The following MYH15 variants were observed in gnomAD, a reference collection of about 807,000 sequenced individuals.
MYH15 encodes myosin heavy chain 15, also known as myosin-15.
In MYH15, 227 loss-of-function variants were observed where a neutral mutation model predicts 240.5. The ratio of observed to expected loss-of-function variants is 0.94; its 90% confidence interval spans 0.85 to 1.05. The LOEUF (loss-of-function observed/expected upper bound fraction) is 1.05, where lower values mean the gene tolerates loss of function less well. MYH15 is among the 50% of genes least tolerant of loss of function. The probability of loss-of-function intolerance (pLI) is 0.00; values close to 1 mark genes in which losing one functional copy is unlikely to be tolerated. For missense variants in MYH15, 2,217 were observed against 2,247.5 expected (o/e 0.99, Z 0.27); for synonymous variants, 785 against 796.7 (o/e 0.99, Z 0.25).
intron 7 of MYH15, among the ~76,000 whole-genome samples, chr3:108,493,820 TAG>T (rs1445729034): frequency 6.6e-6 from 1 of 151,962 alleles, no homozygotes; most frequent in Non-Finnish European, 1.5e-5. Flanking sequence ...CGGGAAAGGG[TAG>T]AGTTTTATTT....
At chr3:108,440,572 G>T (rs2082876736) in intron 23 of MYH15, among the ~76,000 whole-genome samples, 1 of 151,646 alleles carries the variant, frequency 6.6e-6, no homozygotes, top group Non-Finnish European at 1.5e-5. Context: ...AACAAAACAT[G>T]AAAGCCCTTA....
At chr3:108,389,410 A>G (rs1167704258) in intron 37 of MYH15, among the ~76,000 whole-genome samples, 1 of 152,144 alleles carries the variant, frequency 6.6e-6, no homozygotes, top group African/African-American at 2.4e-5. Flanking sequence ...CCATTTGAGG[A>G]TTTGGTCAAC....
rs1553766067 is a variant in MYH15 at position 108,427,635 on chromosome 3, CAG to C, written c.3702+855_3702+856del. ...CACACACAACACACACACACACACA[CAG>C]AGAGAGAGAGAGAGAGAGAAAGAGA... On this transcript the variant is annotated intron_variant, in intron 27 of 40. Coordinates refer to ENST00000693548, the MANE Select transcript of MYH15 (RefSeq NM_014981.3). 2.2e-3 allele frequency among the ~76,000 whole-genome samples: 329 copies of C among 146,654 alleles called. 1 individual carries two copies. The highest frequency in any genetic ancestry group is 7.6e-3 in the African/African-American group (296 of 39,144).
At chr3:108,440,314 T>C (rs1397638639) in intron 23 of MYH15, among the ~76,000 whole-genome samples, 2 of 152,092 alleles carry the variant, frequency 1.3e-5, no homozygotes, top group East Asian at 3.9e-4. Context: ...TGCCTCAGTA[T>C]CCCAAGAAAG....
At position 108,454,106 on chromosome 3, in the gene MYH15, C is replaced by G; in HGVS notation, c.2299G>C (p.Ala767Pro). The G allele has an allele frequency of 1.2e-6, 2 of 1,611,268 alleles. No individual in the cohort carries two copies. Among genetic ancestry groups the G allele is most frequent in the Non-Finnish European group, 1.7e-6 (2 of 1,178,066 alleles). ...TTAGATAGTCTCTCATCTCTTATTG[C>G]TTCCAGTTGGCCCAGAAACCCAGCT... ...FKAGFLGQLE[A>P]IRDERLSKVF... The change falls in exon 21 of 41, where the codon GCA (alanine) becomes CCA (proline). Residue 767 changes from alanine (A) to proline (P), a missense_variant. Ala to Pro is a conservative substitution (Grantham distance 27). Coordinates refer to ENST00000693548, the MANE Select transcript of MYH15 (RefSeq NM_014981.3).
the MYH15 span, among the ~76,000 whole-genome samples, chr3:108,534,461 C>T: frequency 1.3e-5 from 2 of 152,090 alleles, no homozygotes; most frequent in African/African-American, 2.4e-5. Context: ...ATCATTCAGC[C>T]AGAAACTGGT....
In MYH15 at chr3:108,383,600, T is replaced by C. The variant is rs200773679; in HGVS notation, c.5761A>G (p.Lys1921Glu). The change falls in exon 40 of 41, where the codon AAA becomes GAA. Residue 1921 changes from lysine (K) to glutamate (E), a missense_variant. Lys to Glu is a moderately conservative substitution (Grantham distance 56, BLOSUM62 1). Coordinates refer to ENST00000693548, the MANE Select transcript of MYH15 (RefSeq NM_014981.3). ...KLKIKAREFG[K>E]KVQEE The stretch of plus-strand genomic sequence containing the variant: ...GAGTTGAATATCTGCCATACCTTTT[T>C]CCCAAACTCTCTTGCTTTAATTTTG... 3.2e-5 allele frequency: 52 copies of C among 1,613,018 alleles called. 1 individual carries two copies. Among genetic ancestry groups the C allele is most frequent in the Middle Eastern group, 3.3e-4 (2 of 6,074 alleles).
At chr3:108,533,059 T>G (rs975857007), upstream of MYH15, among the ~76,000 whole-genome samples, 2 of 152,014 alleles carry the variant, frequency 1.3e-5, no homozygotes, top group African/African-American at 4.8e-5. Flanking sequence ...AGTCTCAAAT[T>G]ACGTCTTTTG....
At position 108,444,623 on chromosome 3, in the gene MYH15, A is replaced by G; in HGVS notation, c.2655+17T>C. On this transcript the variant is annotated intron_variant, in intron 22 of 40. Coordinates refer to ENST00000693548, the MANE Select transcript of MYH15 (RefSeq NM_014981.3). ...ATTAAAAACTTGATTTAAAGAACAA[A>G]TGGTGGGGCTACTCACAGCCTGAAG... The G allele has an allele frequency of 6.2e-7, 1 of 1,611,246 alleles. No homozygotes were observed.
At chr3:108,386,086 G>A (rs1017489723) in intron 38 of MYH15, among the ~76,000 whole-genome samples, 6 of 152,292 alleles carry the variant, frequency 3.9e-5, no homozygotes, top group Admixed American at 2.0e-4. Flanking sequence ...CAACTTGTCA[G>A]GTTTATAAAA....
At chr3:108,533,874 G>C (rs557424666), upstream of MYH15, among the ~76,000 whole-genome samples, 1 of 152,216 alleles carries the variant, frequency 6.6e-6, no homozygotes, top group Non-Finnish European at 1.5e-5. Context: ...GCCTTCCCCT[G>C]CAGGGGGTTT....
intron 37 of MYH15, 72 bp downstream of exon 37, chr3:108,391,688 A>C: frequency 6.8e-7 from 1 of 1,463,146 alleles, no homozygotes; most frequent in Admixed American, 2.1e-5. Context: ...GGGCAGATCT[A>C]GTGTCACATT....
chr3:108,403,496 CTTTT>C (rs34668097), intron 33 of MYH15, among the ~76,000 whole-genome samples: 4 of 133,430 alleles, frequency 3.0e-5, no homozygotes, highest in East Asian at 2.2e-4. Context: ...TTGTGTTTGG[CTTTT>C]TTTTTTTTTT....
chr3:108,506,814 C>T (rs971713757), intron 1 of MYH15, among the ~76,000 whole-genome samples: 7 of 152,216 alleles, frequency 4.6e-5, no homozygotes, highest in East Asian at 3.9e-4. Context: ...GGGCAGATCA[C>T]GAGGTCAGGA....
intron 1 of MYH15, among the ~76,000 whole-genome samples, chr3:108,507,228 T>C (rs1418433459): frequency 2.2e-4 from 1 of 4,506 alleles, no homozygotes; most frequent in African/African-American, 5.1e-4. Flanking sequence ...GGAAAATGAA[T>C]ATATATATAT....
chr3:108,467,679 T>C (rs1325929171), intron 14 of MYH15, among the ~76,000 whole-genome samples: 5 of 152,236 alleles, frequency 3.3e-5, no homozygotes, highest in South Asian at 2.1e-4. Flanking sequence ...AGTTTTTAAA[T>C]GTATAACTTG....
chr3:108,517,587 C>A (rs1264491382), intron 1 of MYH15, among the ~76,000 whole-genome samples: 2 of 151,966 alleles, frequency 1.3e-5, no homozygotes, highest in Non-Finnish European at 2.9e-5. Flanking sequence ...CCCACCTCGA[C>A]TTCCCAAAGT....
Position 108,507,226 on chromosome 3 carries a change from AATATATATAT to A in MYH15, c.89-1407_89-1398del, listed in dbSNP as rs147101810. Among the ~76,000 whole-genome samples, 826 of 98,290 alleles carry A rather than the reference AATATATATAT, an allele frequency of 8.4e-3. 13 individuals carry two copies. The highest frequency in any genetic ancestry group is 0.067 in the East Asian group (159 of 2,358). The allele number at this position is 98,290 out of a possible 152,430, so 64.5% of individuals were successfully genotyped here. ...CATACTTTCCTTTTAAAGGAAAATGAATATATATATATATATATATATATATATATATATA... is the reference window on the plus strand; with the variant it reads ...CATACTTTCCTTTTAAAGGAAAATGAATATATATATATATATATATATATA... On this transcript the variant is annotated intron_variant, in intron 1 of 40. Coordinates refer to ENST00000693548, the MANE Select transcript of MYH15 (RefSeq NM_014981.3).
intron 37 of MYH15, 94 bp from the exon 38 acceptor site, chr3:108,389,168 T>A (rs534057470): frequency 9.0e-7 from 1 of 1,112,518 alleles, no homozygotes; most frequent in South Asian, 1.4e-5. Context: ...CAGCAAAGTG[T>A]CAAGGGAACA....
Sources: allele counts gnomAD v4.1 joint callset (sites outside exome capture counted in the v4.1 genomes callset), GRCh38; gene constraint gnomAD v4.1.1; transcripts MANE v1.5; gene names NCBI Gene and HGNC (gene_info 2026-07-23, HGNC 2026-07-21).